Variants in C12orf42 observed in about 807,000 individuals in gnomAD.
C12orf42 encodes uncharacterized protein C12orf42.
C12orf42 carries 25 observed loss-of-function variants against 21.6 expected under a neutral mutation model. The observed-to-expected ratio is 1.16, with a 90% CI of 0.84 to 1.62. The LOEUF (loss-of-function observed/expected upper bound fraction) is 1.62, where lower values mean the gene tolerates loss of function less well. Among genes scored for constraint, C12orf42 ranks in the 40% most tolerant of loss-of-function variants. C12orf42 has a pLI of 0.00. For synonymous variants in C12orf42, 174 were observed against 175.0 expected, an observed-to-expected ratio of 0.99 and a Z score of 0.05; for missense variants, 483 against 459.3, an observed-to-expected ratio of 1.05 and a Z score of -0.47.
At chr12:103,210,396 C>T in the C12orf42 span, among the ~76,000 whole-genome samples, 1 of 151,998 alleles carries the variant, frequency 6.6e-6, no homozygotes, top group African/African-American at 2.4e-5. Flanking sequence ...AACTATAAAT[C>T]GCTTCCTAAT....
the C12orf42 span, among the ~76,000 whole-genome samples, chr12:103,054,120 A>C: frequency 6.6e-6 from 1 of 151,874 alleles, no homozygotes. Context: ...TAGATATATA[A>C]GAAATCTTAC....
At chr12:103,190,875 A>G in the C12orf42 span, among the ~76,000 whole-genome samples, 1 of 152,156 alleles carries the variant, frequency 6.6e-6, no homozygotes, top group African/African-American at 2.4e-5. Flanking sequence ...CTTCCCAAAT[A>G]TGAGGAAGAA....
At chr12:103,233,262 C>T (rs1214412137), downstream of C12orf42, among the ~76,000 whole-genome samples, 1 of 152,174 alleles carries the variant, frequency 6.6e-6, no homozygotes, top group Non-Finnish European at 1.5e-5. Flanking sequence ...AGTGTCAGTC[C>T]TCCAACTTTG....
the C12orf42 span, among the ~76,000 whole-genome samples, chr12:103,078,492 GACC>G: frequency 3.7e-3 from 565 of 152,266 alleles, 3 homozygotes; most frequent in Middle Eastern, 0.014. Flanking sequence ...CCACCTAAAG[GACC>G]ACCACATCAA....
At chr12:103,305,852 T>G (rs912735469) in intron 5 of C12orf42, 122 bp downstream of exon 5, 1 of 1,243,032 alleles carries the variant, frequency 8.0e-7, no homozygotes. Context: ...CTACAGTTCT[T>G]ACAGTACCTT....
At chr12:103,346,710 C>T (rs1456875332) in intron 4 of C12orf42, among the ~76,000 whole-genome samples, 3 of 152,216 alleles carry the variant, frequency 2.0e-5, no homozygotes, top group Non-Finnish European at 4.4e-5. Flanking sequence ...CCTTCCGCAA[C>T]TGAGTGACAT....
At chr12:103,467,034 A>T (rs1249045270) in intron 2 of C12orf42, among the ~76,000 whole-genome samples, 1 of 152,228 alleles carries the variant, frequency 6.6e-6, no homozygotes, top group Admixed American at 6.5e-5. Flanking sequence ...CAGACATGTG[A>T]GGGAGCCATG....
the C12orf42 span, among the ~76,000 whole-genome samples, chr12:103,099,536 C>A: frequency 6.6e-6 from 1 of 152,296 alleles, no homozygotes; most frequent in East Asian, 1.9e-4. Context: ...ATTTTTATCA[C>A]TTTGACCATT....
At chr12:103,422,785 C>G (rs2050019543) in intron 2 of C12orf42, among the ~76,000 whole-genome samples, 1 of 151,304 alleles carries the variant, frequency 6.6e-6, no homozygotes, top group South Asian at 2.1e-4. Context: ...AAAAAAGACA[C>G]TTGTGTTCCA....
At chr12:103,284,330 GA>G (rs1012050157) in intron 4 of C12orf42, among the ~76,000 whole-genome samples, 4 of 151,654 alleles carry the variant, frequency 2.6e-5, no homozygotes, top group African/African-American at 9.7e-5. Flanking sequence ...AATTGTTGGG[GA>G]AAAAAAAGCA....
At chr12:103,231,116 T>C in the C12orf42 span, among the ~76,000 whole-genome samples, 1 of 152,246 alleles carries the variant, frequency 6.6e-6, no homozygotes, top group Non-Finnish European at 1.5e-5. Flanking sequence ...TTAATTTTGT[T>C]GTGGTCTGAC....
chr12:103,354,520 C>T (rs2043357773), intron 4 of C12orf42, among the ~76,000 whole-genome samples: 1 of 152,084 alleles, frequency 6.6e-6, no homozygotes, highest in Admixed American at 6.6e-5. Context: ...TGTGAGGCCA[C>T]CCTTTTAGAA....
At chr12:103,434,068 C>G (rs1422290851) in intron 2 of C12orf42, among the ~76,000 whole-genome samples, 1 of 152,204 alleles carries the variant, frequency 6.6e-6, no homozygotes, top group Non-Finnish European at 1.5e-5. Context: ...AGACATTGGT[C>G]ACCCAATTCT....
intron 2 of C12orf42, among the ~76,000 whole-genome samples, chr12:103,460,358 T>C (rs1283598006): frequency 6.6e-6 from 1 of 151,990 alleles, no homozygotes; most frequent in Non-Finnish European, 1.5e-5. Context: ...ACATGGTAAT[T>C]ATCACTTCCA....
At chr12:103,377,706 C>T (rs1443511176) in intron 3 of C12orf42, among the ~76,000 whole-genome samples, 1 of 152,096 alleles carries the variant, frequency 6.6e-6, no homozygotes, top group African/African-American at 2.4e-5. Context: ...CAGCCCCTCA[C>T]CAGGCCCCTG....
Position 103,465,213 on chromosome 12 carries a change from T to C in C12orf42, c.78+13136A>G, listed in dbSNP as rs11111592. ...GAGTAGTATGGCCATTTTCAAGACA[T>C]TGATTCTTCCTATCCATGAGCATGG... On this transcript the variant is annotated intron_variant, in intron 2 of 5. Coordinates refer to ENST00000548883, the MANE Select transcript of C12orf42 (RefSeq NM_198521.5). Among the ~76,000 whole-genome samples, 1,882 of 152,298 alleles carry C rather than the reference T, an allele frequency of 0.012. 211 individuals carry two copies. The East Asian group carries it at 0.26, about 21-fold the overall frequency.
intron 3 of C12orf42, among the ~76,000 whole-genome samples, chr12:103,395,496 C>T (rs529997415): frequency 3.3e-5 from 5 of 152,152 alleles, no homozygotes; most frequent in South Asian, 2.1e-4. Context: ...CCACCACGCC[C>T]GGCTAATTTT....
At chr12:103,335,036 G>T (rs574275109) in intron 4 of C12orf42, among the ~76,000 whole-genome samples, 16 of 152,202 alleles carry the variant, frequency 1.1e-4, no homozygotes, top group African/African-American at 3.9e-4. Context: ...ATGTTTCATT[G>T]CTTTGTTTTT....
chr12:103,315,670 C>T (rs2039403170), intron 4 of C12orf42, among the ~76,000 whole-genome samples: 1 of 152,068 alleles, frequency 6.6e-6, no homozygotes, highest in South Asian at 2.1e-4. Context: ...TTAAGAACTT[C>T]CTAAAATTAA....
Sources: gnomAD v4.1 joint callset for allele counts (sites outside exome capture counted in the v4.1 genomes callset) on GRCh38, gnomAD v4.1.1 for gene constraint, MANE v1.5 for transcripts, NCBI Gene and HGNC (gene_info 2026-07-23, HGNC 2026-07-21) for gene names.